Variants in PIGB observed in about 807,000 individuals in gnomAD.
The protein encoded by PIGB is GPI alpha-1,2-mannosyltransferase 3.
In PIGB, 58 loss-of-function variants were observed where a neutral mutation model predicts 68.4. That is an observed-to-expected ratio of 0.85 (90% CI 0.69 to 1.06). PIGB has a LOEUF of 1.06. Ranked by LOEUF, PIGB falls within the 50% of genes least tolerant of loss-of-function variation. The probability of loss-of-function intolerance (pLI) is 0.00; values close to 1 mark genes in which losing one functional copy is unlikely to be tolerated. For missense variants in PIGB, 634 were observed against 655.8 expected (o/e 0.97, Z 0.36); for synonymous variants, 219 against 220.5 (o/e 0.99, Z 0.06).
chr15:55,324,166 T>G (rs935879590), intron 3 of PIGB, among the ~76,000 whole-genome samples: 17 of 152,146 alleles, frequency 1.1e-4, no homozygotes, highest in Non-Finnish European at 2.2e-4. Flanking sequence ...CCACCAAGCT[T>G]GCCAACAGTA....
chr15:55,352,139 G>A (rs542196954), intron 10 of PIGB, among the ~76,000 whole-genome samples: 3 of 151,652 alleles, frequency 2.0e-5, no homozygotes, highest in African/African-American at 7.3e-5. Flanking sequence ...TTGGAGACAG[G>A]GTTTCTCCAT....
At chr15:55,353,480 G>GT (rs1353157670) in intron 10 of PIGB, among the ~76,000 whole-genome samples, 3 of 151,444 alleles carry the variant, frequency 2.0e-5, no homozygotes, top group East Asian at 3.8e-4. Context: ...AATTTTAAAT[G>GT]TTTGTATCAG....
intron 3 of PIGB, among the ~76,000 whole-genome samples, chr15:55,322,184 G>T (rs527357970): frequency 6.6e-6 from 1 of 151,524 alleles, no homozygotes; most frequent in Non-Finnish European, 1.5e-5. Context: ...CCCATCCCCC[G>T]CAAAAAAAGT....
chr15:55,330,733 A>G (rs1171338243), intron 5 of PIGB, among the ~76,000 whole-genome samples: 2 of 152,216 alleles, frequency 1.3e-5, no homozygotes, highest in Non-Finnish European at 2.9e-5. Flanking sequence ...TAATAGCAGT[A>G]TTTAGGATAT....
intron 3 of PIGB, among the ~76,000 whole-genome samples, chr15:55,323,601 C>CAA (rs140236096): frequency 0.046 from 7,058 of 152,164 alleles, 244 homozygotes; most frequent in Non-Finnish European, 0.068. Context: ...TACTGAATGT[C>CAA]AAAGGCCTAG....
chr15:55,332,184 A>C (rs186392443), intron 5 of PIGB, among the ~76,000 whole-genome samples: 1 of 151,656 alleles, frequency 6.6e-6, no homozygotes, highest in Non-Finnish European at 1.5e-5. Context: ...CATGTTGGCC[A>C]GGCTGGTCTT....
intron 6 of PIGB, among the ~76,000 whole-genome samples, chr15:55,336,619 G>A (rs2055542081): frequency 1.3e-5 from 2 of 152,166 alleles, no homozygotes; most frequent in Non-Finnish European, 2.9e-5. Flanking sequence ...GGCTGTATGG[G>A]TACCATTTTA....
chr15:55,354,628 GTTTT>G, intron 10 of PIGB, 166 bp from the exon 11 acceptor site: 1 of 593,392 alleles, frequency 1.7e-6, no homozygotes. Flanking sequence ...TAAGAATCAT[GTTTT>G]TTTTATCTTT....
chr15:55,330,119 T>C (rs961028966), intron 5 of PIGB, among the ~76,000 whole-genome samples: 7 of 152,176 alleles, frequency 4.6e-5, no homozygotes, highest in Admixed American at 3.3e-4. Flanking sequence ...AGCATGGTTA[T>C]AGTAGGAAGT....
At chr15:55,320,795 G>C (rs559122421) in intron 2 of PIGB, among the ~76,000 whole-genome samples, 2 of 152,114 alleles carry the variant, frequency 1.3e-5, no homozygotes, top group Non-Finnish European at 2.9e-5. Context: ...CCACAGATAA[G>C]GGGGGACTAC....
At position 55,333,264 on chromosome 15, in the gene PIGB, C is replaced by T. The variant is rs538151807; in HGVS notation, c.654-603C>T. 3.3e-5 allele frequency among the ~76,000 whole-genome samples: 5 copies of T among 152,192 alleles called. No homozygotes were observed. The East Asian group carries it at 7.7e-4, about 24-fold the overall frequency. ...TACCTTTTTTAAAAGATAAGAAAAACTAAGACCCAGAAAGCGTAAGTAACC... is the reference window on the plus strand; with the variant it reads ...TACCTTTTTTAAAAGATAAGAAAAATTAAGACCCAGAAAGCGTAAGTAACC... On this transcript the variant is annotated intron_variant, in intron 5 of 11. Coordinates refer to ENST00000164305, the MANE Select transcript of PIGB (RefSeq NM_004855.5).
intron 9 of PIGB, 80 bp downstream of exon 9, chr15:55,341,882 A>G (rs1222105670): frequency 1.9e-5 from 10 of 524,818 alleles, no homozygotes; most frequent in Admixed American, 7.7e-5. Context: ...AACTATGTCT[A>G]TTTTCAACTA....
intron 5 of PIGB, among the ~76,000 whole-genome samples, chr15:55,331,738 G>A (rs1216086447): frequency 1.3e-5 from 2 of 151,924 alleles, no homozygotes; most frequent in African/African-American, 4.8e-5. Flanking sequence ...TGGAGATGGG[G>A]TCTCTTTAGG....
Position 55,350,741 on chromosome 15 carries a change from T to C in PIGB, c.1166T>C (p.Leu389Pro). The C allele has an allele frequency of 6.2e-7, 1 of 1,613,728 alleles. No individual in the cohort carries two copies. Among genetic ancestry groups the C allele is most frequent in the South Asian group, 1.1e-5 (1 of 91,074 alleles). The change falls in exon 10 of 12, where the codon CTA becomes CCA. Residue 389 changes from leucine (L) to proline (P), a missense_variant. Physicochemically the swap from Leu to Pro is moderately conservative, Grantham distance 98. Transcript: ENST00000164305. ...THLKTWKKPA[L>P]SFLFLSNLFL... Reference sequence around the variant, plus strand: ...CTGAAAACATGGAAGAAACCAGCTCTAAGTTTCCTGTTTTTATCAAATTTG... The same window carrying C: ...CTGAAAACATGGAAGAAACCAGCTCCAAGTTTCCTGTTTTTATCAAATTTG...
intron 5 of PIGB, among the ~76,000 whole-genome samples, chr15:55,332,883 C>T (rs1000440719): frequency 6.6e-6 from 1 of 152,140 alleles, no homozygotes; most frequent in Non-Finnish European, 1.5e-5. Flanking sequence ...GTATTTCTAT[C>T]CATGATCATA....
chr15:55,340,439 G>A (rs2055641740), intron 7 of PIGB, 173 bp from the exon 8 acceptor site: 1 of 382,610 alleles, frequency 2.6e-6, no homozygotes, highest in Admixed American at 4.6e-5. Flanking sequence ...CTGGGCGACA[G>A]AGCAAGACTC....
intron 11 of PIGB, 121 bp from the exon 12 acceptor site, chr15:55,355,160 ATAAGT>A (rs1370232845): frequency 9.9e-6 from 9 of 906,514 alleles, no homozygotes; most frequent in Middle Eastern, 3.4e-4. Flanking sequence ...TTTACTTCCT[ATAAGT>A]TAATTCTTTT....
chr15:55,321,259 C>T lies in PIGB; in HGVS notation c.300-14C>T. 6.3e-7 allele frequency: 1 copy of T among 1,579,624 alleles called. No homozygotes were observed. The highest frequency in any genetic ancestry group is 8.6e-7 in the Non-Finnish European group (1 of 1,163,462). Reference sequence around the variant, plus strand: ...TTTCAATATTATTGGACATTTACTCCTTAATGTTACTAATTATGGTTATTT... The same window carrying T: ...TTTCAATATTATTGGACATTTACTCTTTAATGTTACTAATTATGGTTATTT... On this transcript the variant is annotated splice_polypyrimidine_tract_variant and intron_variant, in intron 2 of 11. Coordinates refer to ENST00000164305, the MANE Select transcript of PIGB (RefSeq NM_004855.5).
At chr15:55,350,386 A>G (rs1227350688) in intron 9 of PIGB, 2 of 307,028 alleles carry the variant, frequency 6.5e-6, no homozygotes, top group Non-Finnish European at 1.2e-5. Flanking sequence ...TAACACTTGA[A>G]TAAGGTACTA....
Sources: allele counts gnomAD v4.1 joint callset (sites outside exome capture counted in the v4.1 genomes callset), GRCh38; gene constraint gnomAD v4.1.1; transcripts MANE v1.5; gene names NCBI Gene and HGNC (gene_info 2026-07-23, HGNC 2026-07-21).